Variants in NFU1 observed in about 807,000 individuals in gnomAD.
The protein encoded by NFU1 is NFU1 iron-sulfur cluster scaffold.
A neutral mutation model predicts 32.2 loss-of-function variants in NFU1; 30 were observed. The ratio of observed to expected loss-of-function variants is 0.93; its 90% CI spans 0.70 to 1.26. The LOEUF is 1.26. NFU1 is among the 50% of genes most tolerant of loss of function. The pLI is 0.00. For missense variants in NFU1, 306 were observed against 306.6 expected (o/e 1.00, Z 0.02); for synonymous variants, 112 against 104.6 (o/e 1.07, Z -0.43).
At chr2:69,399,947 A>ACCGCAACCTCCGCCTCC (rs1192392056) in intron 7 of NFU1, among the ~76,000 whole-genome samples, 11 of 151,286 alleles carry the variant, frequency 7.3e-5, no homozygotes, top group African/African-American at 2.7e-4. Context: ...ATCTCGGCTC[A>ACCGCAACCTCCGCCTCC]CCGCAACCTC....
chr2:69,432,257 G>T (rs901445092), intron 1 of NFU1, among the ~76,000 whole-genome samples: 1 of 152,194 alleles, frequency 6.6e-6, no homozygotes, highest in African/African-American at 2.4e-5. Context: ...GGTGTGCACA[G>T]GATAATATAA....
intron 6 of NFU1, among the ~76,000 whole-genome samples, chr2:69,403,846 T>A (rs72833903): frequency 2.6e-5 from 4 of 151,652 alleles, no homozygotes; most frequent in Admixed American, 6.6e-5. Flanking sequence ...AGGGTTACTT[T>A]TTTTTTTTTT....
intron 3 of NFU1, among the ~76,000 whole-genome samples, chr2:69,423,280 G>A (rs28483380): frequency 7.6e-6 from 1 of 131,248 alleles, no homozygotes; most frequent in African/African-American, 3.0e-5. Flanking sequence ...GTGTGTGTGT[G>A]TGTGTGTGTA....
chr2:69,426,413 G>A (rs1297753788), intron 2 of NFU1, among the ~76,000 whole-genome samples: 1 of 152,064 alleles, frequency 6.6e-6, no homozygotes, highest in Non-Finnish European at 1.5e-5. Context: ...AGCCTCCTGA[G>A]TAGCTGAGAT....
chr2:69,411,326 G>A (rs557747253), intron 5 of NFU1, among the ~76,000 whole-genome samples: 1 of 152,224 alleles, frequency 6.6e-6, no homozygotes, highest in East Asian at 1.9e-4. Flanking sequence ...AACAGTATCA[G>A]CAAATACTTA....
In NFU1 at chr2:69,407,623, T is replaced by C. The variant is rs1424990341; in HGVS notation, c.485-1541A>G. ...CCAGATGGCGGAGGTTGAAGTGAGC[T>C]AAGATCGCACCACTGTATTCCAGCC... On this transcript the variant is annotated intron_variant, in intron 5 of 7. Coordinates refer to ENST00000410022, the MANE Select transcript of NFU1 (RefSeq NM_001002755.4). Among the ~76,000 whole-genome samples, 33 of 136,834 alleles carry C rather than the reference T, an allele frequency of 2.4e-4. 1 individual carries two copies. The highest frequency in any genetic ancestry group is 2.3e-3 in the Admixed American group (28 of 12,296). 89.8% of individuals were successfully genotyped at this position (136,834 alleles called of 152,430 possible). A position where few individuals can be genotyped will look rare whatever the true frequency, so the allele number is the denominator to read the frequency against.
intron 2 of NFU1, among the ~76,000 whole-genome samples, chr2:69,424,895 G>C (rs1243681373): frequency 3.4e-3 from 157 of 46,086 alleles, no homozygotes; most frequent in African/African-American, 7.8e-3. Flanking sequence ...TTTTTTTTTT[G>C]AGGCGGAGTC....
chr2:69,403,848 T>C (rs1368214373), intron 6 of NFU1, among the ~76,000 whole-genome samples: 5 of 151,966 alleles, frequency 3.3e-5, no homozygotes, highest in Non-Finnish European at 7.4e-5. Flanking sequence ...GGTTACTTTT[T>C]TTTTTTTTGA....
At chr2:69,413,267 A>G (rs1399864465) in intron 5 of NFU1, among the ~76,000 whole-genome samples, 1 of 151,464 alleles carries the variant, frequency 6.6e-6, no homozygotes, top group Non-Finnish European at 1.5e-5. Context: ...CCTGGGCAAC[A>G]AGAGCGAAAC....
At chr2:69,420,726 A>G (rs936899330) in intron 3 of NFU1, among the ~76,000 whole-genome samples, 1 of 152,214 alleles carries the variant, frequency 6.6e-6, no homozygotes, top group Non-Finnish European at 1.5e-5. Context: ...CCCAGTAGTG[A>G]GTTGTGGAAT....
intron 3 of NFU1, among the ~76,000 whole-genome samples, chr2:69,420,109 A>T (rs6546517): frequency 6.6e-6 from 1 of 151,248 alleles, no homozygotes; most frequent in Non-Finnish European, 1.5e-5. Context: ...GGGTTCAAGC[A>T]ATTTTCCTGC....
rs915809776 is a variant in NFU1 at position 69,411,065 on chromosome 2, G to A, written c.484+4120C>T. On this transcript the variant is annotated intron_variant, in intron 5 of 7. Transcript: ENST00000410022. Reference sequence around the variant, plus strand: ...AGGAAGGGGGGCAAAAAGACCACAGGGACAAAAAACATCTTAGAAAAAGAC... The same window carrying A: ...AGGAAGGGGGGCAAAAAGACCACAGAGACAAAAAACATCTTAGAAAAAGAC... 6.0e-5 allele frequency: 9 copies of A among 150,524 alleles called. 1 individual carries two copies. The highest frequency in any genetic ancestry group is 6.6e-5 in the Admixed American group (1 of 15,124). The allele number at this position is 150,524 out of a possible 1,614,324, so 9.3% of individuals were successfully genotyped here. A position where few individuals can be genotyped will look rare whatever the true frequency, so the allele number is the denominator to read the frequency against.
chr2:69,402,570 T>C (rs1235552883), intron 6 of NFU1, among the ~76,000 whole-genome samples: 1 of 152,144 alleles, frequency 6.6e-6, no homozygotes, highest in African/African-American at 2.4e-5. Flanking sequence ...GATTTTTATC[T>C]GATATATATA....
chr2:69,400,403 C>G lies in NFU1; in HGVS notation c.681G>C (p.Met227Ile). The change falls in exon 7 of 8, where the codon ATG becomes ATC. Residue 227 changes from methionine (M) to isoleucine (I), a missense_variant. Coordinates refer to ENST00000410022, the MANE Select transcript of NFU1 (RefSeq NM_001002755.4). ...IITLKNGIQN[M>I]LQFYIPEVEG... ...CTACCTCCGGAATATAAAACTGCAG[C>G]ATGTTCTGAATTCCATTTTTCAGAG... 6.2e-7 allele frequency: 1 copy of G among 1,614,138 alleles called. No homozygotes were observed. Among genetic ancestry groups the G allele is most frequent in the African/African-American group, 1.3e-5 (1 of 75,058 alleles).
chr2:69,416,318 T>A (rs1199058524), intron 4 of NFU1: 2 of 146,438 alleles, frequency 1.4e-5, no homozygotes, highest in Non-Finnish European at 3.0e-5. Flanking sequence ...TAATTTATAA[T>A]TAATAAAAAT....
At chr2:69,408,769 T>TATATAC (rs1219902624) in intron 5 of NFU1, among the ~76,000 whole-genome samples, 78 of 133,632 alleles carry the variant, frequency 5.8e-4, no homozygotes, top group Non-Finnish European at 8.8e-4. Context: ...TATATATATA[T>TATATAC]ACACACACAC....
chr2:69,430,089 T>A (rs563412103), intron 2 of NFU1: 2 of 222,010 alleles, frequency 9.0e-6, no homozygotes, highest in East Asian at 3.2e-4. Context: ...ATTACAATTA[T>A]AATCTCAATT....
At chr2:69,405,925 A>G (rs1026403064) in intron 6 of NFU1, 97 bp downstream of exon 6, 1 of 808,984 alleles carries the variant, frequency 1.2e-6, no homozygotes, top group African/African-American at 1.7e-5. Flanking sequence ...ACTTATTTTG[A>G]AAATCTACTA....
At chr2:69,432,931 C>A (rs937148127) in intron 1 of NFU1, among the ~76,000 whole-genome samples, 2 of 151,894 alleles carry the variant, frequency 1.3e-5, no homozygotes, top group Admixed American at 1.3e-4. Flanking sequence ...AGGTGGATCA[C>A]CTGAGGTCAG....
Sources: gnomAD v4.1 joint callset for allele counts (sites outside exome capture counted in the v4.1 genomes callset) on GRCh38, gnomAD v4.1.1 for gene constraint, MANE v1.5 for transcripts, NCBI Gene and HGNC (gene_info 2026-07-23, HGNC 2026-07-21) for gene names.